Variants in MGAT4C observed in about 807,000 individuals in gnomAD.
MGAT4C encodes the protein alpha-1,3-mannosyl-glycoprotein 4-beta-N-acetylglucosaminyltransferase C.
Under a neutral mutation model 40.1 loss-of-function variants are expected in MGAT4C, and 19 were observed. That is an observed-to-expected ratio of 0.47 (90% CI 0.33 to 0.70). MGAT4C has a LOEUF of 0.70. Among genes scored for constraint, MGAT4C ranks in the 30% least tolerant of loss-of-function variants. The pLI is 0.02. For synonymous variants in MGAT4C, 181 were observed against 187.1 expected (o/e 0.97, Z 0.27); for missense variants, 491 against 563.2 (o/e 0.87, Z 1.30).
chr12:86,495,497 A>T (rs1958220794), intron 2 of MGAT4C, among the ~76,000 whole-genome samples: 2 of 152,094 alleles, frequency 1.3e-5, no homozygotes, highest in Non-Finnish European at 2.9e-5. Flanking sequence ...TCACATCTGC[A>T]TTATGCCTGT....
Position 85,974,534 on chromosome 12 carries a change from C to T in MGAT4C, c.*4755G>A, listed in dbSNP as rs1883818822. On this transcript the variant is annotated 3_prime_UTR_variant, in exon 5 of 5. Coordinates refer to ENST00000611864, the MANE Select transcript of MGAT4C (RefSeq NM_001351288.2). ...ATACATATATACACATATGTACATACACATATGTATATATACATACACACA... is the reference window on the plus strand; with the variant it reads ...ATACATATATACACATATGTACATATACATATGTATATATACATACACACA... 1.3e-5 allele frequency: 2 copies of T among 150,284 alleles called. No individual in the cohort carries two copies. Among genetic ancestry groups the T allele is most frequent in the South Asian group, 4.2e-4 (2 of 4,816 alleles). The allele number at this position is 150,284 out of a possible 1,614,324, so 9.3% of individuals were successfully genotyped here. A position where few individuals can be genotyped will look rare whatever the true frequency, so the allele number is the denominator to read the frequency against.
intron 1 of MGAT4C, among the ~76,000 whole-genome samples, chr12:86,118,922 T>C (rs1004405756): frequency 6.6e-6 from 1 of 152,100 alleles, no homozygotes; most frequent in Non-Finnish European, 1.5e-5. Context: ...AAAATGATAA[T>C]TTATTAGTCT....
rs533125817 is a variant in MGAT4C, at chr12:86,269,700, C to G, written c.-57+64365G>C. Among the ~76,000 whole-genome samples, 32 of 151,892 alleles carry G rather than the reference C, an allele frequency of 2.1e-4. 1 individual carries two copies. In the South Asian group the frequency reaches 6.6e-3, roughly 32 times the overall value. On this transcript the variant is annotated intron_variant, in intron 4 of 7. Transcript: ENST00000548651. ...CTTAATGACCCTAACTTCATGAAGA[C>G]TTGGCATATAGGTGAGCACTTGAAT...
chr12:86,721,805 C>T (rs1950741898), intron 2 of MGAT4C, among the ~76,000 whole-genome samples: 1 of 151,974 alleles, frequency 6.6e-6, no homozygotes, highest in South Asian at 2.1e-4. Flanking sequence ...CAAGCTGGGT[C>T]CCTGATTGTT....
chr12:86,462,193 A>G lies in MGAT4C; in HGVS notation c.-228-26928T>C, dbSNP rs112451771. ...ATGGGCTTGTAACTTTCTAGAATAT[A>G]TTAAACATAATGTTTCTTTAGCAAC... On this transcript the variant is annotated intron_variant, in intron 2 of 7. Coordinates refer to the MGAT4C transcript ENST00000548651. Among the ~76,000 whole-genome samples, 490 of 152,366 alleles carry G rather than the reference A, an allele frequency of 3.2e-3. 2 individuals carry two copies. Among genetic ancestry groups the G allele is most frequent in the African/African-American group, 0.011 (477 of 41,596 alleles).
At chr12:86,103,800 CT>C (rs1220739422) in intron 1 of MGAT4C, among the ~76,000 whole-genome samples, 1 of 152,086 alleles carries the variant, frequency 6.6e-6, no homozygotes, top group East Asian at 1.9e-4. Context: ...AGGCGACCTG[CT>C]TAAATTTGAG....
Position 86,764,456 on chromosome 12 carries a change from C to G in MGAT4C, c.-261-37215G>C, listed in dbSNP as rs1198816905. On this transcript the variant is annotated intron_variant, in intron 1 of 7. Transcript: ENST00000548651. ...GGCAGGGCACAGACAAACAAAAAGACAGCAGTAACCTCTGCAGACTTAAAT... is the reference window on the plus strand; with the variant it reads ...GGCAGGGCACAGACAAACAAAAAGAGAGCAGTAACCTCTGCAGACTTAAAT... Among the ~76,000 whole-genome samples the G allele has an allele frequency of 5.3e-5, 8 of 151,884 alleles. No homozygotes were observed. The East Asian group carries it at 9.8e-4, about 19-fold the overall frequency.
In MGAT4C at chr12:86,303,851, G is replaced by C. The variant is rs181902976; in HGVS notation, c.-57+30214C>G. Reference sequence around the variant, plus strand: ...GGTAATTTTTACTTTGTTACGTTGTGAAAGCCAATGTCTTTCTCTCTCCAT... The same window carrying C: ...GGTAATTTTTACTTTGTTACGTTGTCAAAGCCAATGTCTTTCTCTCTCCAT... On this transcript the variant is annotated intron_variant, in intron 4 of 7. Coordinates refer to the MGAT4C transcript ENST00000548651. Among the ~76,000 whole-genome samples the C allele has an allele frequency of 1.2e-4, 18 of 150,482 alleles. 4 individuals are homozygous for C. Among genetic ancestry groups the C allele is most frequent in the African/African-American group, 4.3e-4 (17 of 39,992 alleles).
At chr12:86,252,639 T>C (rs1420577901) in intron 1 of MGAT4C, among the ~76,000 whole-genome samples, 1 of 151,908 alleles carries the variant, frequency 6.6e-6, no homozygotes, top group South Asian at 2.1e-4. Context: ...AAAAAGTAAA[T>C]TGTCTCTAGT....
chr12:86,630,072 T>C (rs1413371912), intron 2 of MGAT4C, among the ~76,000 whole-genome samples: 2 of 151,970 alleles, frequency 1.3e-5, no homozygotes, highest in East Asian at 1.9e-4. Flanking sequence ...AAAAGGGATA[T>C]CACCACCAAT....
chr12:86,111,899 C>T (rs1877482401), intron 1 of MGAT4C, among the ~76,000 whole-genome samples: 2 of 151,800 alleles, frequency 1.3e-5, no homozygotes, highest in African/African-American at 4.8e-5. Flanking sequence ...CCACCTGGGG[C>T]TGAATGTGTA....
intron 1 of MGAT4C, among the ~76,000 whole-genome samples, chr12:86,116,085 CA>C (rs1248386379): frequency 6.6e-6 from 1 of 151,610 alleles, no homozygotes; most frequent in Non-Finnish European, 1.5e-5. Flanking sequence ...CTTGATATGT[CA>C]AAGAATAGCA....
intron 2 of MGAT4C, chr12:86,495,403 T>G (rs1488128233): frequency 6.6e-6 from 1 of 152,122 alleles, no homozygotes; most frequent in African/African-American, 2.4e-5. Context: ...AAATTGTATG[T>G]AATAAACAAC....
At chr12:86,776,411 T>C (rs1312541005) in intron 1 of MGAT4C, among the ~76,000 whole-genome samples, 2 of 152,052 alleles carry the variant, frequency 1.3e-5, no homozygotes, top group Admixed American at 6.6e-5. Flanking sequence ...TTTCCATGTA[T>C]GAGGTTAATT....
chr12:86,770,735 T>C (rs1009667103), intron 1 of MGAT4C, among the ~76,000 whole-genome samples: 1 of 152,092 alleles, frequency 6.6e-6, no homozygotes, highest in South Asian at 2.1e-4. Flanking sequence ...ATATAGTTAA[T>C]AATCTTAATC....
rs59222713 is a variant in MGAT4C at position 86,486,376 on chromosome 12, GCACACACACACA to G, written c.-228-51123_-228-51112del. Among the ~76,000 whole-genome samples the G allele has an allele frequency of 3.1e-3, 439 of 139,882 alleles. 1 individual carries two copies. The highest frequency in any genetic ancestry group is 0.01 in the Middle Eastern group (3 of 286). The allele number at this position is 139,882 out of a possible 152,430, so 91.8% of individuals were successfully genotyped here. ...AAAAGAACAGAGAAAGATCTATCATGCACACACACACACACACACACACACACACACACACAC... is the reference window on the plus strand; with the variant it reads ...AAAAGAACAGAGAAAGATCTATCATGCACACACACACACACACACACACAC... On this transcript the variant is annotated intron_variant, in intron 2 of 7. Coordinates refer to the MGAT4C transcript ENST00000548651.
At chr12:86,167,871 C>A (rs547246748) in intron 1 of MGAT4C, among the ~76,000 whole-genome samples, 1 of 152,224 alleles carries the variant, frequency 6.6e-6, no homozygotes, top group African/African-American at 2.4e-5. Flanking sequence ...TTCTTAAAAG[C>A]GTAACTAAGT....
intron 1 of MGAT4C, among the ~76,000 whole-genome samples, chr12:86,089,313 T>A (rs1592906380): frequency 6.6e-6 from 1 of 151,954 alleles, no homozygotes; most frequent in Admixed American, 6.6e-5. Flanking sequence ...TATAAAAAGA[T>A]GTATCCTCTA....
chr12:86,365,966 A>C (rs1002932367), intron 3 of MGAT4C, among the ~76,000 whole-genome samples: 3 of 152,146 alleles, frequency 2.0e-5, no homozygotes, highest in African/African-American at 7.2e-5. Flanking sequence ...TGAATCTGTA[A>C]ATTGCTTTGG....
Sources: gnomAD v4.1 joint callset for allele counts (sites outside exome capture counted in the v4.1 genomes callset) on GRCh38, gnomAD v4.1.1 for gene constraint, MANE v1.5 for transcripts, NCBI Gene and HGNC (gene_info 2026-07-23, HGNC 2026-07-21) for gene names.